HERC3: variants seen among roughly 807,000 people sequenced by gnomAD.
The protein encoded by HERC3 is probable E3 ubiquitin-protein ligase HERC3.
A neutral mutation model predicts 129.9 loss-of-function variants in HERC3; 58 were observed. That is an observed-to-expected ratio of 0.45 (90% confidence interval 0.36 to 0.56). The LOEUF is 0.56. HERC3 is among the 20% of genes least tolerant of loss of function. HERC3 has a pLI of 0.00. For synonymous variants in HERC3, 430 were observed against 451.0 expected (o/e 0.95, Z 0.59); for missense variants, 835 against 1,244.2 (o/e 0.67, Z 4.95).
At chr4:88,683,621 A>G (rs1267237837) in intron 21 of HERC3, among the ~76,000 whole-genome samples, 2 of 152,230 alleles carry the variant, frequency 1.3e-5, no homozygotes, top group Non-Finnish European at 2.9e-5. Context: ...TCTTGATAGA[A>G]TTGCAAGACT....
At chr4:88,637,282 C>T (rs891078737) in intron 3 of HERC3, among the ~76,000 whole-genome samples, 4 of 152,052 alleles carry the variant, frequency 2.6e-5, no homozygotes, top group Admixed American at 6.5e-5. Context: ...AAAAATTAGC[C>T]GGGCATGATG....
At chr4:88,552,516 G>A in the HERC3 span, among the ~76,000 whole-genome samples, 2 of 152,174 alleles carry the variant, frequency 1.3e-5, no homozygotes, top group African/African-American at 4.8e-5. Flanking sequence ...GCCTCCCAAA[G>A]TGCTGGGGTT....
intron 3 of HERC3, among the ~76,000 whole-genome samples, chr4:88,610,189 T>C (rs556631893): frequency 6.6e-6 from 1 of 152,322 alleles, no homozygotes; most frequent in African/African-American, 2.4e-5. Flanking sequence ...GTGCAGTGGC[T>C]CACGCCTGTA....
intron 23 of HERC3, among the ~76,000 whole-genome samples, chr4:88,698,737 C>T (rs1284963047): frequency 6.6e-6 from 1 of 151,558 alleles, no homozygotes; most frequent in East Asian, 1.9e-4. Context: ...TTCCACACCA[C>T]ATCTTCTCCC....
chr4:88,533,481 A>G, the HERC3 span, among the ~76,000 whole-genome samples: 33 of 152,324 alleles, frequency 2.2e-4, no homozygotes, highest in Middle Eastern at 3.4e-3. Context: ...AAAGGAGGCA[A>G]AACGATGTCA....
intron 23 of HERC3, 116 bp from the exon 24 acceptor site, chr4:88,703,982 A>G: frequency 2.1e-6 from 2 of 955,776 alleles, no homozygotes; most frequent in Non-Finnish European, 3.2e-6. Flanking sequence ...ATGCCTCCTG[A>G]TTTGAGAATT....
chr4:88,591,551 G>GGAA (rs1721709868), upstream of HERC3, among the ~76,000 whole-genome samples: 1 of 152,114 alleles, frequency 6.6e-6, no homozygotes, highest in African/African-American at 2.4e-5. Flanking sequence ...TTATTCCTTT[G>GGAA]GATTAAAGCA....
the HERC3 span, among the ~76,000 whole-genome samples, chr4:88,540,738 G>T: frequency 6.6e-6 from 1 of 152,226 alleles, no homozygotes. Flanking sequence ...CAGACTAACA[G>T]CAGATCTCTC....
the HERC3 span, among the ~76,000 whole-genome samples, chr4:88,565,151 A>G: frequency 6.6e-6 from 1 of 152,032 alleles, no homozygotes; most frequent in African/African-American, 2.4e-5. Flanking sequence ...CCTTATTCTC[A>G]AGGATATGTT....
intron 3 of HERC3, among the ~76,000 whole-genome samples, chr4:88,640,950 A>G (rs193154640): frequency 1.3e-5 from 2 of 152,310 alleles, no homozygotes; most frequent in East Asian, 1.9e-4. Context: ...TCACCATCAA[A>G]CGGACTAGAT....
the HERC3 span, among the ~76,000 whole-genome samples, chr4:88,562,035 G>A: frequency 2.6e-5 from 4 of 152,238 alleles, no homozygotes; most frequent in East Asian, 3.9e-4. Flanking sequence ...TGGATCACAT[G>A]GCAGTTCTAT....
At chr4:88,693,368 T>G in intron 23 of HERC3, 1 of 963,614 alleles carries the variant, frequency 1.0e-6, no homozygotes, top group Non-Finnish European at 1.2e-6. Flanking sequence ...ATTTTGCTAA[T>G]GAATTATACT....
the HERC3 span, among the ~76,000 whole-genome samples, chr4:88,581,197 G>A: frequency 6.6e-6 from 1 of 152,036 alleles, no homozygotes; most frequent in Non-Finnish European, 1.5e-5. Context: ...AGGGATTCTT[G>A]TGTTTCTAGA....
chr4:88,613,059 A>G (rs1322518517), intron 3 of HERC3, among the ~76,000 whole-genome samples: 1 of 152,080 alleles, frequency 6.6e-6, no homozygotes, highest in Non-Finnish European at 1.5e-5. Context: ...TAATATTGGG[A>G]TTTTAGGGTA....
At chr4:88,591,491 G>T (rs1721705952), upstream of HERC3, among the ~76,000 whole-genome samples, 1 of 151,994 alleles carries the variant, frequency 6.6e-6, no homozygotes, top group Non-Finnish European at 1.5e-5. Flanking sequence ...ATCCTCAAAG[G>T]GCCTTCCTGC....
At chr4:88,628,748 CA>C (rs1726414010) in intron 3 of HERC3, among the ~76,000 whole-genome samples, 1 of 152,132 alleles carries the variant, frequency 6.6e-6, no homozygotes, top group African/African-American at 2.4e-5. Context: ...AAATAACATA[CA>C]GTTTAAAATA....
chr4:88,592,336 C>G (rs941946747), upstream of HERC3: 2 of 152,746 alleles, frequency 1.3e-5, no homozygotes, highest in African/African-American at 4.8e-5. Context: ...CCTCCTCCTG[C>G]CCGCGGACCT....
chr4:88,697,067 C>A, intron 23 of HERC3: 1 of 775,638 alleles, frequency 1.3e-6, no homozygotes, highest in East Asian at 2.9e-5. Flanking sequence ...TTAATTTAAT[C>A]TATTTTAGGA....
In HERC3 at chr4:88,676,350, G is replaced by T. The variant is rs1209472442; in HGVS notation, c.1952G>T (p.Cys651Phe). 3.1e-6 allele frequency: 5 copies of T among 1,612,026 alleles called. No homozygotes were observed. The highest frequency in any genetic ancestry group is 4.2e-6 in the Non-Finnish European group (5 of 1,178,232). Residue 651 changes from cysteine to phenylalanine, a missense_variant, in exon 18 of 26, where the codon TGT (cysteine) becomes TTT (phenylalanine). Physicochemically the swap from Cys to Phe is radical, Grantham distance 205. Coordinates refer to ENST00000402738, the MANE Select transcript of HERC3 (RefSeq NM_014606.3). The stretch of plus-strand genomic sequence containing the variant: ...TTATTCTAGGATACTGTAACACTTT[G>T]TTCCTACCCTTTCATCTTTGATGCC... ...PSIIQDTVTLCSYPFIFDAQA... is the reference protein window; with the variant it reads ...PSIIQDTVTLFSYPFIFDAQA...
Sources: gnomAD v4.1 joint callset for allele counts (sites outside exome capture counted in the v4.1 genomes callset) on GRCh38, gnomAD v4.1.1 for gene constraint, MANE v1.5 for transcripts, NCBI Gene and HGNC (gene_info 2026-07-23, HGNC 2026-07-21) for gene names.